The following GARRE1 variants were observed in gnomAD, a reference collection of about 807,000 sequenced individuals.
GARRE1 encodes granule associated Rac and RHOG effector protein 1.
GARRE1 carries 49 observed loss-of-function variants against 103.2 expected under a neutral mutation model. That is an observed-to-expected ratio of 0.47 (90% CI 0.38 to 0.60). The LOEUF (loss-of-function observed/expected upper bound fraction) is 0.60. GARRE1 is among the 20% of genes least tolerant of loss of function. The pLI is 0.00. For missense variants in GARRE1, 1,199 were observed against 1,370.5 expected, an observed-to-expected ratio of 0.87 and a Z score of 1.98; for synonymous variants, 505 against 532.8, an observed-to-expected ratio of 0.95 and a Z score of 0.72.
At chr19:34,302,152 G>A (rs2073982989) in intron 2 of GARRE1, among the ~76,000 whole-genome samples, 1 of 150,440 alleles carries the variant, frequency 6.6e-6, no homozygotes, top group South Asian at 2.1e-4. Flanking sequence ...CACCATGCCC[G>A]GCTAATTTTG....
chr19:34,323,207 A>G lies in GARRE1; in HGVS notation c.705+3091A>G, dbSNP rs567949781. On this transcript the variant is annotated intron_variant, in intron 3 of 13. Transcript: ENST00000299505. Reference sequence around the variant, plus strand: ...CCATCTCACCTGGCTAATTTTTTGTATTTTTAGTAGAGACAGGGTTTCACT... The same window carrying G: ...CCATCTCACCTGGCTAATTTTTTGTGTTTTTAGTAGAGACAGGGTTTCACT... 1.1e-4 allele frequency among the ~76,000 whole-genome samples: 17 copies of G among 150,446 alleles called. No homozygotes were observed. The South Asian group carries it at 2.9e-3, about 26-fold the overall frequency.
chr19:34,342,041 C>T lies in GARRE1; in HGVS notation c.2107C>T (p.Pro703Ser), dbSNP rs544443434. The part of the protein sequence containing the change: ...SLPVPPPPRA[P>S]QAGAHTPLTP... ...GCCTGTGCCCCCTCCACCACGGGCA[C>T]CCCAGGCTGGGGCACACACACCTCT... Residue 703 changes from proline to serine, a missense_variant, in exon 10 of 14, where the codon CCC (proline) becomes TCC (serine). Transcript: ENST00000299505. 91 of 1,614,052 alleles carry T rather than the reference C, an allele frequency of 5.6e-5. 2 individuals are homozygous for T. The South Asian group carries it at 7.5e-4, about 13-fold the overall frequency.
At chr19:34,316,583 C>G (rs1444505816) in intron 2 of GARRE1, among the ~76,000 whole-genome samples, 3 of 152,166 alleles carry the variant, frequency 2.0e-5, no homozygotes, top group Non-Finnish European at 4.4e-5. Context: ...GCTCTGTACT[C>G]TCTCAAGAGA....
chr19:34,302,433 C>T (rs1015459485), intron 2 of GARRE1, among the ~76,000 whole-genome samples: 9 of 150,502 alleles, frequency 6.0e-5, no homozygotes, highest in Non-Finnish European at 1.3e-4. Context: ...GCTGGGATTA[C>T]AGGCGCCCAC....
intron 1 of GARRE1, among the ~76,000 whole-genome samples, chr19:34,285,517 G>A (rs1238178938): frequency 6.6e-6 from 1 of 152,068 alleles, no homozygotes; most frequent in Non-Finnish European, 1.5e-5. Flanking sequence ...CAGCTACTCA[G>A]GAGGCTGAGG....
intron 1 of GARRE1, chr19:34,285,211 C>G (rs531348875): frequency 3.0e-4 from 45 of 152,262 alleles, no homozygotes; most frequent in African/African-American, 1.0e-3. Context: ...TACCCATCAC[C>G]TAACTTCCAA....
intron 11 of GARRE1, 136 bp from the exon 12 acceptor site, chr19:34,348,880 G>A (rs891910174): frequency 7.2e-6 from 7 of 978,146 alleles, no homozygotes; most frequent in Admixed American, 2.3e-5. Context: ...AAAACCTCAC[G>A]TTTTAAGAAG....
At chr19:34,346,797 T>C (rs1264037625) in intron 10 of GARRE1, among the ~76,000 whole-genome samples, 1 of 152,180 alleles carries the variant, frequency 6.6e-6, no homozygotes, top group Non-Finnish European at 1.5e-5. Flanking sequence ...TTGGTATTTT[T>C]AGTAGAGACG....
At chr19:34,307,666 T>C (rs1022191058) in intron 2 of GARRE1, among the ~76,000 whole-genome samples, 10 of 35,730 alleles carry the variant, frequency 2.8e-4, no homozygotes, top group African/African-American at 7.1e-4. Flanking sequence ...TATATACATA[T>C]ATACTTATAT....
rs939699189 is a variant in GARRE1, at chr19:34,302,952, C to A, written c.495+1984C>A. On this transcript the variant is annotated intron_variant, in intron 2 of 13. Transcript: ENST00000299505. Reference sequence around the variant, plus strand: ...TAGAGATGGGTTTTCACCGTGTTGCCCAGGCTGGTGTCAAACTCCTGAGCT... The same window carrying A: ...TAGAGATGGGTTTTCACCGTGTTGCACAGGCTGGTGTCAAACTCCTGAGCT... 2.0e-5 allele frequency among the ~76,000 whole-genome samples: 3 copies of A among 151,858 alleles called. No homozygotes were observed. The East Asian group carries it at 5.8e-4, about 30-fold the overall frequency.
chr19:34,262,141 T>C (rs1174344430), intron 1 of GARRE1, among the ~76,000 whole-genome samples: 1 of 151,972 alleles, frequency 6.6e-6, no homozygotes, highest in African/African-American at 2.4e-5. Flanking sequence ...AGTGCCACCA[T>C]GCCTGGCTAA....
chr19:34,299,032 A>C (rs1454450929), intron 1 of GARRE1, among the ~76,000 whole-genome samples: 2 of 152,140 alleles, frequency 1.3e-5, no homozygotes, highest in African/African-American at 4.8e-5. Context: ...TCGTGTCTGT[A>C]AACCGCCTGC....
chr19:34,318,889 A>T (rs2074072013), intron 2 of GARRE1, among the ~76,000 whole-genome samples: 1 of 152,146 alleles, frequency 6.6e-6, no homozygotes, highest in Non-Finnish European at 1.5e-5. Flanking sequence ...TAAAAATACA[A>T]AAATTAGCCG....
intron 1 of GARRE1, among the ~76,000 whole-genome samples, chr19:34,296,787 C>T (rs570970351): frequency 1.2e-4 from 19 of 152,208 alleles, no homozygotes; most frequent in African/African-American, 4.3e-4. Context: ...AACTGGAACC[C>T]TCACATTTTT....
At chr19:34,309,989 G>T (rs973737111) in intron 2 of GARRE1, among the ~76,000 whole-genome samples, 1 of 152,220 alleles carries the variant, frequency 6.6e-6, no homozygotes, top group African/African-American at 2.4e-5. Context: ...GCCAGCAGCA[G>T]GTGGGAGTCA....
intron 4 of GARRE1, 21 bp downstream of exon 4, chr19:34,327,582 A>G (rs771514672): frequency 6.2e-7 from 1 of 1,611,900 alleles, no homozygotes; most frequent in Non-Finnish European, 8.5e-7. Flanking sequence ...CAGAACTGAC[A>G]TACTGATTTC....
At chr19:34,324,429 A>G (rs999122681) in intron 3 of GARRE1, among the ~76,000 whole-genome samples, 1 of 151,994 alleles carries the variant, frequency 6.6e-6, no homozygotes, top group Admixed American at 6.6e-5. Context: ...CCATCAGTGT[A>G]TCTTCCTTTT....
chr19:34,343,383 GC>G (rs2145281201), intron 10 of GARRE1, among the ~76,000 whole-genome samples: 1 of 152,138 alleles, frequency 6.6e-6, no homozygotes, highest in South Asian at 2.1e-4. Context: ...GCTGCAGTGA[GC>G]TATGATCATG....
At chr19:34,303,082 C>T (rs1172786685) in intron 2 of GARRE1, among the ~76,000 whole-genome samples, 1 of 152,120 alleles carries the variant, frequency 6.6e-6, no homozygotes, top group East Asian at 1.9e-4. Context: ...TCTTTTAGGG[C>T]TCTAGATTAC....
Sources: allele counts gnomAD v4.1 joint callset (sites outside exome capture counted in the v4.1 genomes callset), GRCh38; gene constraint gnomAD v4.1.1; transcripts MANE v1.5; gene names NCBI Gene and HGNC (gene_info 2026-07-23, HGNC 2026-07-21).